Variants in MYH15 observed in about 807,000 individuals in gnomAD.
MYH15 encodes the protein myosin-15.
A neutral mutation model predicts 240.5 loss-of-function variants in MYH15; 227 were observed. The ratio of observed to expected loss-of-function variants is 0.94; its 90% CI spans 0.85 to 1.05. The LOEUF is 1.05. Among genes scored for constraint, MYH15 ranks in the 50% least tolerant of loss-of-function variants. The pLI, the probability that MYH15 is intolerant of heterozygous loss-of-function variation, is 0.00. For missense variants in MYH15, 2,217 were observed against 2,247.5 expected (o/e 0.99, Z 0.27); for synonymous variants, 785 against 796.7 (o/e 0.99, Z 0.25).
chr3:108,456,946 G>A, intron 18 of MYH15, 63 bp from the exon 19 acceptor site: 1 of 1,190,414 alleles, frequency 8.4e-7, no homozygotes, highest in Non-Finnish European at 1.2e-6. Flanking sequence ...GACAGATTTT[G>A]AACCAATTGC....
At chr3:108,470,380 T>C (rs2083162298) in intron 13 of MYH15, among the ~76,000 whole-genome samples, 168 bp from the exon 14 acceptor site, 1 of 152,178 alleles carries the variant, frequency 6.6e-6, no homozygotes, top group Admixed American at 6.5e-5. Flanking sequence ...TGAATTGTAA[T>C]ATCATTAAGT....
In MYH15 at chr3:108,383,747, A is replaced by AT. The variant is rs756686160; in HGVS notation, c.5632-19_5632-18insA. 3.9e-5 allele frequency: 59 copies of AT among 1,510,850 alleles called. No individual in the cohort carries two copies. The Admixed American group carries it at 4.9e-4, about 12-fold the overall frequency. 93.6% of individuals were successfully genotyped at this position (1,510,850 alleles called of 1,614,324 possible). The stretch of plus-strand genomic sequence containing the variant: ...TGTGTTTCCTATAAAAATAAAAAAA[A>AT]AAAAAAAGAAATCTCCATGCCTATA... On this transcript the variant is annotated intron_variant, in intron 39 of 40. Transcript: ENST00000693548.
chr3:108,497,051 C>T (rs984821534), intron 6 of MYH15, among the ~76,000 whole-genome samples: 2 of 149,058 alleles, frequency 1.3e-5, no homozygotes, highest in Non-Finnish European at 3.0e-5. Flanking sequence ...GTCCCAGCTG[C>T]TCAGAAGGCT....
In MYH15 at chr3:108,439,851, T is replaced by C. The variant is rs373693517; in HGVS notation, c.2961A>G (p.Ala987=). 12 of 1,612,728 alleles carry C rather than the reference T, an allele frequency of 7.4e-6. No individual in the cohort carries two copies. Among genetic ancestry groups the C allele is most frequent in the Non-Finnish European group, 1.0e-5 (12 of 1,179,562 alleles). Residue 987 remains alanine (A), a synonymous_variant, in exon 24 of 41, where the codon GCA becomes GCG. Transcript: ENST00000693548. The stretch of plus-strand genomic sequence containing the variant: ...GATGGGCCTCCTGCACAACCTTGGC[T>C]GCTCTGTTAAGTTTGCTGATATCCT... ...LNEDISKLNR[A]AKVVQEAHQQ...
Position 108,501,845 on chromosome 3 carries a change from A to G in MYH15, c.206T>C (p.Ile69Thr), listed in dbSNP as rs1159084370. 1 of 1,613,964 alleles carries G rather than the reference A, an allele frequency of 6.2e-7. No individual in the cohort carries two copies. The highest frequency in any genetic ancestry group is 8.5e-7 in the Non-Finnish European group (1 of 1,179,872). Residue 69 changes from isoleucine (I) to threonine (T), a missense_variant, in exon 3 of 41, where the codon ATA (isoleucine) becomes ACA (threonine). Ile to Thr is a moderately conservative substitution (Grantham distance 89). Coordinates refer to ENST00000693548, the MANE Select transcript of MYH15 (RefSeq NM_014981.3). ...CATCTGCTGGATTTTGTCCTCCTTT[A>G]TGCTCAGACTCTGCAGAGAGAAGAA... ...VETADGESLSIKEDKIQQMNP... is the reference protein window; with the variant it reads ...VETADGESLSTKEDKIQQMNP...
At chr3:108,501,399 A>G (rs1359382376) in intron 3 of MYH15, among the ~76,000 whole-genome samples, 1 of 152,216 alleles carries the variant, frequency 6.6e-6, no homozygotes, top group Admixed American at 6.5e-5. Flanking sequence ...AGACATTGTT[A>G]TCCCACTTTA....
rs1198716429 is a variant in MYH15, at chr3:108,499,493, A to G, written c.497-11T>C. ...ACTGATTTTCTCGATCTACAAAAGA[A>G]AGAAAAATGCCAGAATATTCTTATA... On this transcript the variant is annotated splice_polypyrimidine_tract_variant and intron_variant, in intron 4 of 40. Transcript: ENST00000693548. 1 of 1,612,132 alleles carries G rather than the reference A, an allele frequency of 6.2e-7. No homozygotes were observed. Among genetic ancestry groups the G allele is most frequent in the African/African-American group, 1.3e-5 (1 of 75,000 alleles).
chr3:108,405,982 T>TAACA (rs77463306), intron 32 of MYH15, among the ~76,000 whole-genome samples: 1,834 of 152,332 alleles, frequency 0.012, 17 homozygotes, highest in Non-Finnish European at 0.019. Flanking sequence ...ACCTGACATG[T>TAACA]AACACTCAGT....
intron 31 of MYH15, among the ~76,000 whole-genome samples, chr3:108,410,094 T>C (rs1576215543): frequency 6.6e-6 from 1 of 152,312 alleles, no homozygotes; most frequent in Non-Finnish European, 1.5e-5. Flanking sequence ...GTTACTCAAC[T>C]TATGACCTAT....
intron 27 of MYH15, among the ~76,000 whole-genome samples, chr3:108,427,862 C>T (rs1034067748): frequency 6.6e-6 from 1 of 152,220 alleles, no homozygotes; most frequent in Non-Finnish European, 1.5e-5. Flanking sequence ...GTTGCAGCAA[C>T]TAGCCATTTG....
intron 25 of MYH15, among the ~76,000 whole-genome samples, chr3:108,432,683 T>C (rs2082788688): frequency 2.0e-5 from 3 of 152,168 alleles, no homozygotes; most frequent in Admixed American, 2.0e-4. Context: ...GCTCCAGCCA[T>C]GGCTGAAAGG....
At chr3:108,505,857 A>T in intron 1 of MYH15, 28 bp from the exon 2 acceptor site, 1 of 1,360,320 alleles carries the variant, frequency 7.4e-7, no homozygotes, top group African/African-American at 1.5e-5. Flanking sequence ...AAAAAAATGG[A>T]TTATAGCTAT....
the MYH15 span, among the ~76,000 whole-genome samples, chr3:108,541,102 T>C: frequency 1.3e-5 from 2 of 152,076 alleles, no homozygotes; most frequent in African/African-American, 4.8e-5. Flanking sequence ...TAATTTAACA[T>C]CATAGAGATG....
Position 108,453,960 on chromosome 3 carries a change from CA to C in MYH15, c.2399+45del, listed in dbSNP as rs752583720. On this transcript the variant is annotated intron_variant, in intron 21 of 40. Transcript: ENST00000693548. ...ATGAGATTAGTTGCACTGGTTGAGG[CA>C]CACTATTACCCTAGCAGTTGGGGAG... 32 of 1,573,642 alleles carry C rather than the reference CA, an allele frequency of 2.0e-5. No homozygotes were observed. In the African/African-American group the frequency reaches 3.9e-4, roughly 19 times the overall value.
At chr3:108,430,215 T>C (rs1307445312) in intron 26 of MYH15, among the ~76,000 whole-genome samples, 1 of 152,226 alleles carries the variant, frequency 6.6e-6, no homozygotes. Flanking sequence ...TGAGTCATGG[T>C]TATATTACTA....
chr3:108,455,694 C>A (rs748685171), intron 20 of MYH15, 42 bp downstream of exon 20: 7 of 1,603,200 alleles, frequency 4.4e-6, no homozygotes, highest in Non-Finnish European at 6.0e-6. Flanking sequence ...CAGTCTTCCC[C>A]CCATTCGTCT....
chr3:108,383,660 T>TTTCC lies in MYH15; in HGVS notation c.5697_5700dup (p.Arg1901GlyfsTer12), dbSNP rs1198130223. On this transcript the variant is annotated frameshift_variant, in exon 40 of 41. Coordinates refer to ENST00000693548, the MANE Select transcript of MYH15 (RefSeq NM_014981.3). LOFTEE classifies it high-confidence loss of function. ...ACTTGAGATTCTGCCACCTCTGCCC[T>TTTCC]TTCCTTCACTTCATTCAACTCATGT... 3 of 1,612,960 alleles carry TTTCC rather than the reference T, an allele frequency of 1.9e-6. No individual in the cohort carries two copies. The African/African-American group carries it at 4.0e-5, about 22-fold the overall frequency.
chr3:108,495,151 C>T (rs1018804926), intron 7 of MYH15, among the ~76,000 whole-genome samples: 1 of 152,176 alleles, frequency 6.6e-6, no homozygotes. Context: ...AAGCCTTCTG[C>T]AAATTTTCTT....
chr3:108,475,639 G>A (rs1420057844), intron 12 of MYH15, among the ~76,000 whole-genome samples: 2 of 152,174 alleles, frequency 1.3e-5, no homozygotes, highest in Non-Finnish European at 2.9e-5. Flanking sequence ...AAACAGAGAA[G>A]GCTGTATACT....
Sources: allele counts gnomAD v4.1 joint callset (sites outside exome capture counted in the v4.1 genomes callset), GRCh38; gene constraint gnomAD v4.1.1; transcripts MANE v1.5; gene names NCBI Gene and HGNC (gene_info 2026-07-23, HGNC 2026-07-21).